Variants in USP16 observed in about 807,000 individuals in gnomAD.
USP16 encodes ubiquitin specific peptidase 16.
In USP16, 77 loss-of-function variants were observed where a neutral mutation model predicts 95.9. That is an observed-to-expected ratio of 0.80 (90% CI 0.67 to 0.97). The LOEUF is 0.97. Ranked by LOEUF, USP16 falls within the 50% of genes least tolerant of loss-of-function variation. The probability of loss-of-function intolerance (pLI) is 0.00; values close to 1 mark genes in which losing one functional copy is unlikely to be tolerated. For synonymous variants in USP16, 303 were observed against 318.2 expected (o/e 0.95, Z 0.51); for missense variants, 943 against 959.9 (o/e 0.98, Z 0.23).
At position 29,030,603 on chromosome 21, in the gene USP16, T is replaced by A. The variant is rs766867815; in HGVS notation, c.70T>A (p.Cys24Ser). The A allele has an allele frequency of 5.0e-6, 8 of 1,603,458 alleles. No homozygotes were observed. The African/African-American group carries it at 1.1e-4, about 22-fold the overall frequency. ...DDSSETLEPV[C>S]RHIRKGLEQG... is the part of the protein sequence containing the mutation. ...ATTATTTGTTTTAATAGAACCTGTG[T>A]GCAGACACATTAGAAAAGGATTGGA... is the stretch of plus-strand genomic sequence containing the variant. The change falls in exon 3 of 18, where the codon TGC becomes AGC. Residue 24 changes from cysteine to serine, a missense_variant. By Grantham distance (112) the Cys-to-Ser change is moderately radical. Coordinates refer to ENST00000399976, the MANE Select transcript of USP16 (RefSeq NM_006447.3).
At chr21:29,041,116 T>G (rs1194873110) in intron 10 of USP16, among the ~76,000 whole-genome samples, 1 of 152,152 alleles carries the variant, frequency 6.6e-6, no homozygotes, top group East Asian at 1.9e-4. Context: ...TAGAAGCAAC[T>G]AGGCACGTGT....
intron 16 of USP16, chr21:29,053,551 T>C: frequency 2.6e-6 from 1 of 382,728 alleles, no homozygotes; most frequent in East Asian, 4.2e-5. Context: ...ATTTGGTATC[T>C]GAGCCAGGTA....
rs1209224418 is a variant in USP16 at position 29,039,466 on chromosome 21, T to C, written c.864-15T>C. The stretch of plus-strand genomic sequence containing the variant: ...AGACTGAAGATTGCTTTTCTGTCTT[T>C]TTGTTTTTCTCTAGAGCAGTGCGGT... On this transcript the variant is annotated splice_polypyrimidine_tract_variant and intron_variant, in intron 8 of 17. Transcript: ENST00000399976. 1 of 1,610,874 alleles carries C rather than the reference T, an allele frequency of 6.2e-7. No homozygotes were observed. Among genetic ancestry groups the C allele is most frequent in the Non-Finnish European group, 8.5e-7 (1 of 1,178,006 alleles).
chr21:29,046,905 C>T lies in USP16; in HGVS notation c.1595C>T (p.Thr532Ile), dbSNP rs1451575179. The T allele has an allele frequency of 1.2e-6, 2 of 1,614,010 alleles. No homozygotes were observed. Among genetic ancestry groups the T allele is most frequent in the Non-Finnish European group, 1.7e-6 (2 of 1,180,030 alleles). Residue 532 changes from threonine (T) to isoleucine (I), a missense_variant, in exon 14 of 18, where the codon ACA (threonine) becomes ATA (isoleucine). Coordinates refer to ENST00000399976, the MANE Select transcript of USP16 (RefSeq NM_006447.3). Reference protein sequence around the residue: ...IESVTDNQKSTEEVDMKNINM... With the variant: ...IESVTDNQKSIEEVDMKNINM... ...AGTGTAACTGACAATCAAAAATCCA[C>T]AGAGGAAGTAGATATGAAAAATATC...
At chr21:29,036,819 T>A (rs768961885) in intron 5 of USP16, among the ~76,000 whole-genome samples, 2 of 152,230 alleles carry the variant, frequency 1.3e-5, no homozygotes, top group Non-Finnish European at 2.9e-5. Flanking sequence ...TTTAAGCATG[T>A]TTTTTAAGTT....
At position 29,053,927 on chromosome 21, in the gene USP16, T is replaced by C. The variant is rs1309933352; in HGVS notation, c.2319T>C (p.Ser773=). ...CAAGAACCGCAAATAGTCATCTCTCTAATCTTGTTCTTCACGGTGATATTC... is the reference window on the plus strand; with the variant it reads ...CAAGAACCGCAAATAGTCATCTCTCCAATCTTGTTCTTCACGGTGATATTC... ...AKARTANSHL[S]NLVLHGDIPQ... is the part of the protein sequence containing the mutation. The change falls in exon 17 of 18, where the codon TCT becomes TCC. Residue 773 remains serine, a synonymous_variant. Transcript: ENST00000399976. 7 of 1,614,156 alleles carry C rather than the reference T, an allele frequency of 4.3e-6. No homozygotes were observed. The highest frequency in any genetic ancestry group is 1.6e-4 in the Middle Eastern group (1 of 6,084).
At chr21:29,044,088 A>G (rs1326113306) in intron 13 of USP16, among the ~76,000 whole-genome samples, 1 of 152,056 alleles carries the variant, frequency 6.6e-6, no homozygotes, top group Non-Finnish European at 1.5e-5. Flanking sequence ...GCATGCCACC[A>G]AGCCTAGCTA....
chr21:29,036,189 C>G, intron 4 of USP16, 82 bp from the exon 5 acceptor site: 1 of 1,223,330 alleles, frequency 8.2e-7, no homozygotes, highest in Non-Finnish European at 1.2e-6. Context: ...CAGTTACACA[C>G]TTTGATTCCA....
In USP16 at chr21:29,037,538, T is replaced by A. The variant is rs2085177234; in HGVS notation, c.636+75T>A. On this transcript the variant is annotated intron_variant, in intron 6 of 17. Transcript: ENST00000399976. Reference sequence around the variant, plus strand: ...AATCTGCTACTTACATTATTGAGTTTTTTCCACCTGAGTAATTTATTTCTA... The same window carrying A: ...AATCTGCTACTTACATTATTGAGTTATTTCCACCTGAGTAATTTATTTCTA... The A allele has an allele frequency of 3.1e-6, 4 of 1,277,558 alleles. No homozygotes were observed. In the South Asian group the frequency reaches 8.1e-5, roughly 26 times the overall value. 79.1% of individuals were successfully genotyped at this position (1,277,558 alleles called of 1,614,324 possible).
chr21:29,034,970 G>A (rs956075035), intron 4 of USP16, 30 bp downstream of exon 4: 8 of 1,573,864 alleles, frequency 5.1e-6, no homozygotes, highest in Non-Finnish European at 7.0e-6. Flanking sequence ...CCTCTTGGGT[G>A]GAAATTATTT....
chr21:29,039,703 C>T, intron 9 of USP16, 135 bp downstream of exon 9: 1 of 669,272 alleles, frequency 1.5e-6, no homozygotes, highest in Non-Finnish European at 2.4e-6. Context: ...CTTACACCAG[C>T]TTTTTCAACT....
chr21:29,028,110 T>A, intron 2 of USP16, 136 bp downstream of exon 2: 1 of 683,482 alleles, frequency 1.5e-6, no homozygotes, highest in Non-Finnish European at 2.3e-6. Flanking sequence ...ATATGTCATT[T>A]AATAGTCTTC....
rs2085175880 is a variant in USP16, at chr21:29,037,483, C to T, written c.636+20C>T. 3.3e-6 allele frequency: 5 copies of T among 1,506,048 alleles called. No homozygotes were observed. Among genetic ancestry groups the T allele is most frequent in the Non-Finnish European group, 4.4e-6 (5 of 1,128,314 alleles). 93.3% of individuals were successfully genotyped at this position (1,506,048 alleles called of 1,614,324 possible). ...ATGCAGGTACATTGTCATTTTTTTCCCTTTAAAAAAGCTGTCCTTTTCCTC... is the reference window on the plus strand; with the variant it reads ...ATGCAGGTACATTGTCATTTTTTTCTCTTTAAAAAAGCTGTCCTTTTCCTC... On this transcript the variant is annotated intron_variant, in intron 6 of 17. Transcript: ENST00000399976.
chr21:29,046,020 C>T (rs1427757495), intron 13 of USP16, among the ~76,000 whole-genome samples: 1 of 152,172 alleles, frequency 6.6e-6, no homozygotes, highest in East Asian at 1.9e-4. Context: ...GATGGGTTTT[C>T]ACCATGTTGG....
Position 29,042,043 on chromosome 21 carries a change from T to C in USP16, c.1061T>C (p.Phe354Ser), listed in dbSNP as rs746340997. 2.5e-6 allele frequency: 4 copies of C among 1,613,402 alleles called. No individual in the cohort carries two copies. The highest frequency in any genetic ancestry group is 2.5e-6 in the Non-Finnish European group (3 of 1,179,632). The change falls in exon 11 of 18, where the codon TTT (phenylalanine) becomes TCT (serine). Residue 354 changes from phenylalanine to serine, a missense_variant. Phe to Ser is a radical substitution (Grantham distance 155, BLOSUM62 -2). Coordinates refer to ENST00000399976, the MANE Select transcript of USP16 (RefSeq NM_006447.3). ...DYEKKKSMPS[F>S]VDRIFGGELT... ...GAGAAGAAAAAATCAATGCCAAGTTTTGTTGACCGCATCTTTGGTGGTGAA... is the reference window on the plus strand; with the variant it reads ...GAGAAGAAAAAATCAATGCCAAGTTCTGTTGACCGCATCTTTGGTGGTGAA...
chr21:29,049,909 GTGTAC>G (rs1278573230), intron 15 of USP16, among the ~76,000 whole-genome samples, 178 bp from the exon 16 acceptor site: 1 of 152,150 alleles, frequency 6.6e-6, no homozygotes, highest in African/African-American at 2.4e-5. Context: ...TGTGATACAT[GTGTAC>G]TTAGCAAAAG....
rs1601068843 is a variant in USP16, at chr21:29,046,812, A to G, written c.1502A>G (p.Glu501Gly). The G allele has an allele frequency of 6.2e-7, 1 of 1,614,150 alleles. No individual in the cohort carries two copies. The highest frequency in any genetic ancestry group is 8.5e-7 in the Non-Finnish European group (1 of 1,180,018). The change falls in exon 14 of 18, where the codon GAG (glutamate) becomes GGG (glycine). Residue 501 changes from glutamate (E) to glycine (G), a missense_variant. Coordinates refer to ENST00000399976, the MANE Select transcript of USP16 (RefSeq NM_006447.3). ...VNIKSNHISQ[E>G]GVMHKEYCVN... is the part of the protein sequence containing the mutation. ...ATTAAATCCAACCATATTTCACAAG[A>G]GGGTGTTATGCATAAAGAATATTGT...
chr21:29,043,399 G>A, intron 12 of USP16, 24 bp from the exon 13 acceptor site: 3 of 1,386,652 alleles, frequency 2.2e-6, no homozygotes, highest in Non-Finnish European at 2.8e-6. Context: ...TTTTGTTTTT[G>A]ACCTATGTTA....
chr21:29,041,930 G>C (rs1380612691), intron 10 of USP16, 83 bp from the exon 11 acceptor site: 2 of 1,065,066 alleles, frequency 1.9e-6, no homozygotes, highest in East Asian at 2.9e-5. Flanking sequence ...TTTAGAGTTA[G>C]ATAGGTAAGT....
Sources: gnomAD v4.1 joint callset for allele counts (sites outside exome capture counted in the v4.1 genomes callset) on GRCh38, gnomAD v4.1.1 for gene constraint, MANE v1.5 for transcripts, NCBI Gene and HGNC (gene_info 2026-07-23, HGNC 2026-07-21) for gene names.